Variants in NMU observed in about 807,000 individuals in gnomAD.
NMU encodes the protein neuromedin-U.
Under a neutral mutation model 35.4 loss-of-function variants are expected in NMU, and 29 were observed. The observed-to-expected ratio is 0.82, with a 90% CI of 0.61 to 1.12. The LOEUF (loss-of-function observed/expected upper bound fraction) is 1.12. Ranked by LOEUF, NMU falls within the 50% of genes most tolerant of loss-of-function variation. NMU has a pLI of 0.00. For missense variants in NMU, 199 were observed against 206.2 expected, an observed-to-expected ratio of 0.97 and a Z score of 0.21; for synonymous variants, 78 against 81.3, an observed-to-expected ratio of 0.96 and a Z score of 0.22.
chr4:55,607,845 G>T (rs1326841563), intron 4 of NMU, among the ~76,000 whole-genome samples: 2 of 152,172 alleles, frequency 1.3e-5, no homozygotes, highest in Non-Finnish European at 2.9e-5. Context: ...CACTAAATAT[G>T]AAGGTTATGA....
In NMU at chr4:55,600,416, T is replaced by G. The variant is rs565982208; in HGVS notation, c.489+106A>C. 9.1e-6 allele frequency: 7 copies of G among 772,276 alleles called. No individual in the cohort carries two copies. The South Asian group carries it at 1.1e-4, about 12-fold the overall frequency. The allele number at this position is 772,276 out of a possible 1,614,324, so 47.8% of individuals were successfully genotyped here. On this transcript the variant is annotated intron_variant, in intron 8 of 9. Coordinates refer to ENST00000264218, the MANE Select transcript of NMU (RefSeq NM_006681.4). ...AGACTGTAACACCTGATGCCAAACA[T>G]CTATAAACTTTAAAACTTAATTGAA...
chr4:55,595,643 A>ATTTTTT (rs1211166376), intron 9 of NMU, among the ~76,000 whole-genome samples: 10 of 66,362 alleles, frequency 1.5e-4, no homozygotes, highest in Non-Finnish European at 2.4e-4. Flanking sequence ...ATATATATAT[A>ATTTTTT]TTTTTTTTTT....
chr4:55,614,087 T>G (rs1208350161), intron 3 of NMU, among the ~76,000 whole-genome samples: 1 of 152,266 alleles, frequency 6.6e-6, no homozygotes, highest in Non-Finnish European at 1.5e-5. Context: ...AAGGGACTTG[T>G]GAATCTATCT....
At chr4:55,606,665 G>A (rs1312403842) in intron 6 of NMU, among the ~76,000 whole-genome samples, 3 of 150,384 alleles carry the variant, frequency 2.0e-5, no homozygotes, top group Non-Finnish European at 4.4e-5. Flanking sequence ...CAAAAGCAGG[G>A]ATTTTTCTTT....
upstream of NMU, chr4:55,636,483 G>A (rs1560530568): frequency 2.6e-6 from 1 of 385,882 alleles, no homozygotes; most frequent in Non-Finnish European, 4.5e-6. The surrounding 1 kb of genome is among the most constrained non-coding windows in gnomAD (Gnocchi z 4.0). Flanking sequence ...TCTGACCCGA[G>A]TACCACGCAT....
At chr4:55,605,901 T>A (rs1733667685) in intron 6 of NMU, among the ~76,000 whole-genome samples, 1 of 152,190 alleles carries the variant, frequency 6.6e-6, no homozygotes, top group Non-Finnish European at 1.5e-5. Flanking sequence ...AGATACATTT[T>A]CCCAAAATGT....
At chr4:55,630,248 C>T (rs1313148347) in intron 2 of NMU, among the ~76,000 whole-genome samples, 154 bp downstream of exon 2, 4 of 152,000 alleles carry the variant, frequency 2.6e-5, no homozygotes, top group Non-Finnish European at 4.4e-5. Context: ...TTCTTCTCTC[C>T]TTCTCTTTTA....
intron 9 of NMU, among the ~76,000 whole-genome samples, chr4:55,596,201 T>C (rs767142491): frequency 6.6e-6 from 1 of 152,076 alleles, no homozygotes; most frequent in East Asian, 1.9e-4. Context: ...GTCATCAGGA[T>C]AGAGAAAGGC....
At chr4:55,618,309 G>C (rs1371948201) in intron 2 of NMU, among the ~76,000 whole-genome samples, 1 of 152,004 alleles carries the variant, frequency 6.6e-6, no homozygotes, top group Admixed American at 6.6e-5. Context: ...CCATCAACTC[G>C]TCATCTAGGT....
chr4:55,595,477 T>C (rs1385606090), intron 9 of NMU, 66 bp from the exon 10 acceptor site: 3 of 150,704 alleles, frequency 2.0e-5, no homozygotes, highest in African/African-American at 7.3e-5. Flanking sequence ...ATAATGTTTG[T>C]ATATAGACAT....
intron 8 of NMU, 125 bp from the exon 9 acceptor site, chr4:55,599,306 A>G (rs992354062): frequency 3.1e-5 from 23 of 752,422 alleles, no homozygotes; most frequent in Non-Finnish European, 2.8e-5. Flanking sequence ...GGCTTTTTAC[A>G]ACATAGACTG....
intron 9 of NMU, among the ~76,000 whole-genome samples, chr4:55,596,594 A>G (rs1444075282): frequency 1.3e-5 from 2 of 152,250 alleles, no homozygotes; most frequent in East Asian, 3.9e-4. Context: ...ATACAAAATT[A>G]AGGATATGTT....
chr4:55,636,204 C>T lies in NMU; in HGVS notation c.-12G>A. The T allele has an allele frequency of 1.4e-6, 2 of 1,478,044 alleles. No homozygotes were observed. Among genetic ancestry groups the T allele is most frequent in the Non-Finnish European group, 1.8e-6 (2 of 1,123,562 alleles). 91.6% of individuals were successfully genotyped at this position (1,478,044 alleles called of 1,614,324 possible). A position where few individuals can be genotyped will look rare whatever the true frequency, so the allele number is the denominator to read the frequency against. ...TCTGTTCGCAGCATCTCGGCGGCTGCGGGAGGCTCGGTGCTAGGGACGCTG... is the reference window on the plus strand; with the variant it reads ...TCTGTTCGCAGCATCTCGGCGGCTGTGGGAGGCTCGGTGCTAGGGACGCTG... On this transcript the variant is annotated 5_prime_UTR_variant, in exon 1 of 10. Coordinates refer to ENST00000264218, the MANE Select transcript of NMU (RefSeq NM_006681.4). This position sits in a 1 kb window ranked among gnomAD's most constrained non-coding sequence, Gnocchi z 4.0.
intron 2 of NMU, among the ~76,000 whole-genome samples, chr4:55,619,144 T>C (rs1734259145): frequency 1.3e-5 from 2 of 152,024 alleles, no homozygotes; most frequent in African/African-American, 4.8e-5. Context: ...AGAACTGATA[T>C]TAGGGTTCAG....
At chr4:55,598,160 T>C (rs1419281778) in intron 9 of NMU, among the ~76,000 whole-genome samples, 1 of 135,996 alleles carries the variant, frequency 7.4e-6, no homozygotes, top group Non-Finnish European at 1.5e-5. Flanking sequence ...AGAGGAAAGA[T>C]CATAGCTCAC....
intron 7 of NMU, among the ~76,000 whole-genome samples, chr4:55,604,679 A>ATGTTT (rs1553909885): frequency 2.1e-5 from 1 of 47,610 alleles, no homozygotes; most frequent in Non-Finnish European, 3.2e-5. Flanking sequence ...TGCCTGGCTA[A>ATGTTT]TTTTTTTTTT....
intron 9 of NMU, 21 bp from the exon 10 acceptor site, chr4:55,595,432 A>T (rs1487973251): frequency 1.3e-5 from 2 of 151,580 alleles, no homozygotes; most frequent in Non-Finnish European, 2.9e-5. Context: ...AGAAAAATTG[A>T]ATTAAAGTGT....
At chr4:55,633,068 T>A (rs1318286722) in intron 1 of NMU, among the ~76,000 whole-genome samples, 1 of 151,648 alleles carries the variant, frequency 6.6e-6, no homozygotes, top group Non-Finnish European at 1.5e-5. Context: ...CTCACACCTG[T>A]AATCCCAGCA....
At chr4:55,619,849 C>T (rs796219138) in intron 2 of NMU, among the ~76,000 whole-genome samples, 45 of 134,912 alleles carry the variant, frequency 3.3e-4, no homozygotes, top group Middle Eastern at 3.6e-3. Flanking sequence ...TCAAGTGGGT[C>T]CCTGACCCCT....
Sources: allele counts gnomAD v4.1 joint callset (sites outside exome capture counted in the v4.1 genomes callset), GRCh38; gene constraint gnomAD v4.1.1; non-coding constraint Gnocchi (gnomAD v3.1); transcripts MANE v1.5; gene names NCBI Gene and HGNC (gene_info 2026-07-23, HGNC 2026-07-21).